Variants in ADAM12 observed in about 807,000 individuals in gnomAD.
ADAM12 encodes disintegrin and metalloproteinase domain-containing protein 12.
Under a neutral mutation model 106.4 loss-of-function variants are expected in ADAM12, and 70 were observed. The observed-to-expected ratio is 0.66, with a 90% CI of 0.54 to 0.80. The LOEUF (loss-of-function observed/expected upper bound fraction) is 0.80, where lower values mean the gene tolerates loss of function less well. Among genes scored for constraint, ADAM12 ranks in the 30% least tolerant of loss-of-function variants. The pLI is 0.00. For missense variants in ADAM12, 1,010 were observed against 1,171.9 expected (o/e 0.86, Z 2.02); for synonymous variants, 420 against 433.5 (o/e 0.97, Z 0.39).
At chr10:126,018,117 C>A (rs1238590148) in intron 22 of ADAM12, among the ~76,000 whole-genome samples, 2 of 152,252 alleles carry the variant, frequency 1.3e-5, no homozygotes, top group African/African-American at 4.8e-5. Context: ...GCAGCTCTTT[C>A]TTTCACGGGC....
intron 4 of ADAM12, among the ~76,000 whole-genome samples, chr10:126,150,811 T>C (rs991842321): frequency 6.6e-6 from 1 of 152,242 alleles, no homozygotes; most frequent in African/African-American, 2.4e-5. Flanking sequence ...GAGAACTTCC[T>C]ATGACTCCCA....
intron 3 of ADAM12, among the ~76,000 whole-genome samples, chr10:126,170,409 A>G (rs1957098189): frequency 6.7e-6 from 1 of 149,990 alleles, no homozygotes; most frequent in Non-Finnish European, 1.5e-5. Flanking sequence ...GGATTTTGAA[A>G]TGGATGTGTT....
intron 3 of ADAM12, among the ~76,000 whole-genome samples, chr10:126,269,316 G>A (rs932675857): frequency 6.6e-6 from 1 of 152,138 alleles, no homozygotes; most frequent in Non-Finnish European, 1.5e-5. Flanking sequence ...AACTGTCTAG[G>A]AAGGCAGCCC....
intron 3 of ADAM12, among the ~76,000 whole-genome samples, chr10:126,251,531 GGATAGATGGA>G: frequency 6.2e-5 from 2 of 32,060 alleles, no homozygotes; most frequent in Non-Finnish European, 3.5e-4. Context: ...TGGACAGGAT[GGATAGATGGA>G]TGGATAGGAT....
intron 3 of ADAM12, among the ~76,000 whole-genome samples, chr10:126,179,105 A>C (rs1049405852): frequency 1.2e-4 from 19 of 152,182 alleles, no homozygotes; most frequent in African/African-American, 4.6e-4. Context: ...GCACTCAAGC[A>C]GTCCCTATCA....
At chr10:126,217,510 G>A (rs570892757) in intron 3 of ADAM12, among the ~76,000 whole-genome samples, 1 of 151,768 alleles carries the variant, frequency 6.6e-6, no homozygotes, top group African/African-American at 2.4e-5. Flanking sequence ...TGGGATTACA[G>A]GAATGCACCA....
chr10:126,217,110 G>A (rs1958001197), intron 3 of ADAM12, among the ~76,000 whole-genome samples: 1 of 152,188 alleles, frequency 6.6e-6, no homozygotes, highest in Non-Finnish European at 1.5e-5. Context: ...CCATGAGAGT[G>A]AGAATATTTT....
chr10:126,206,783 G>A (rs1219983457), intron 3 of ADAM12, among the ~76,000 whole-genome samples: 1 of 142,410 alleles, frequency 7.0e-6, no homozygotes, highest in Non-Finnish European at 1.5e-5. Flanking sequence ...AGGAAGGAAA[G>A]TGATACGGTT....
At chr10:126,082,045 C>T (rs559826911) in intron 11 of ADAM12, among the ~76,000 whole-genome samples, 2 of 152,222 alleles carry the variant, frequency 1.3e-5, no homozygotes, top group African/African-American at 4.8e-5. Flanking sequence ...AGAAGCAAAA[C>T]AGCCTGTTCC....
chr10:126,098,352 A>G lies in ADAM12; in HGVS notation c.996+64T>C, dbSNP rs570442632. ...AGGATCTATCTTCACAAAGTCTGATAAAAGTAGTGACTTCCTGGGGAATCA... is the reference window on the plus strand; with the variant it reads ...AGGATCTATCTTCACAAAGTCTGATGAAAGTAGTGACTTCCTGGGGAATCA... On this transcript the variant is annotated intron_variant, in intron 10 of 22. Transcript: ENST00000448723. 2.5e-5 allele frequency: 34 copies of G among 1,348,794 alleles called. No homozygotes were observed. In the Middle Eastern group the frequency reaches 9.0e-4, roughly 36 times the overall value. The allele number at this position is 1,348,794 out of a possible 1,614,324, so 83.6% of individuals were successfully genotyped here. A position where few individuals can be genotyped will look rare whatever the true frequency, so the allele number is the denominator to read the frequency against.
intron 3 of ADAM12, among the ~76,000 whole-genome samples, chr10:126,195,905 G>A (rs1957589117): frequency 6.6e-6 from 1 of 152,184 alleles, no homozygotes; most frequent in Admixed American, 6.5e-5. Flanking sequence ...CACTATGTCT[G>A]CTTTCAAAGT....
At chr10:126,041,776 C>T (rs1252655947) in intron 18 of ADAM12, 24 of 1,085,086 alleles carry the variant, frequency 2.2e-5, no homozygotes, top group Non-Finnish European at 2.7e-5. Context: ...CCTTGCTTCT[C>T]CCCCACTGCT....
intron 21 of ADAM12, among the ~76,000 whole-genome samples, chr10:126,032,475 G>A (rs1953987904): frequency 6.6e-6 from 1 of 152,154 alleles, no homozygotes; most frequent in Non-Finnish European, 1.5e-5. Context: ...TCATAAAACA[G>A]AATGAAGGAC....
intron 2 of ADAM12, among the ~76,000 whole-genome samples, chr10:126,314,610 T>C (rs1961267099): frequency 6.6e-6 from 1 of 152,200 alleles, no homozygotes; most frequent in African/African-American, 2.4e-5. Context: ...ATTGTCTATA[T>C]AAAATTTTCA....
At chr10:126,291,336 C>T (rs1398926148) in intron 2 of ADAM12, among the ~76,000 whole-genome samples, 1 of 152,152 alleles carries the variant, frequency 6.6e-6, no homozygotes, top group Non-Finnish European at 1.5e-5. Context: ...ATATACTAAG[C>T]CCTTTAAAGA....
chr10:126,049,998 GGCTGGCTGGCTGGC>G lies in ADAM12; in HGVS notation c.1610-343_1610-330del, dbSNP rs1954437273. On this transcript the variant is annotated intron_variant, in intron 14 of 22. Coordinates refer to ENST00000448723, the MANE Select transcript of ADAM12 (RefSeq NM_001288973.2). This position sits in a 1 kb window ranked among gnomAD's most constrained non-coding sequence, Gnocchi z 4.4. ...CAGGGCAGAAAGGAGGTGGCTGGCT[GGCTGGCTGGCTGGC>G]TGGCTGGCTGGCTGGCTGGCTGCAG... is the stretch of plus-strand genomic sequence containing the variant. Among the ~76,000 whole-genome samples, 6 of 31,558 alleles carry G rather than the reference GGCTGGCTGGCTGGC, an allele frequency of 1.9e-4. No individual in the cohort carries two copies. Among genetic ancestry groups the G allele is most frequent in the African/African-American group, 1.7e-3 (6 of 3,526 alleles). The allele number at this position is 31,558 out of a possible 152,430, so 20.7% of individuals were successfully genotyped here.
intron 5 of ADAM12, among the ~76,000 whole-genome samples, chr10:126,130,199 T>C (rs201344578): frequency 2.0e-5 from 3 of 147,210 alleles, no homozygotes; most frequent in South Asian, 2.2e-4. Context: ...TTTTTTTTTT[T>C]CCTTTTACTT....
At chr10:126,193,310 T>C (rs1008937478) in intron 3 of ADAM12, among the ~76,000 whole-genome samples, 17 of 86,492 alleles carry the variant, frequency 2.0e-4, no homozygotes, top group Non-Finnish European at 3.5e-4. Flanking sequence ...CCATATGCAA[T>C]AGACAAGACT....
rs550318567 is a variant in ADAM12 at position 126,208,957 on chromosome 10, T to C, written c.261-53652A>G. Reference sequence around the variant, plus strand: ...TCAGTTACGTGCCAACTTCTTATCGTAAGAATGTTCTCTGAGAATTGTCAA... The same window carrying C: ...TCAGTTACGTGCCAACTTCTTATCGCAAGAATGTTCTCTGAGAATTGTCAA... On this transcript the variant is annotated intron_variant, in intron 3 of 22. Transcript: ENST00000448723. Among the ~76,000 whole-genome samples the C allele has an allele frequency of 2.6e-5, 4 of 152,272 alleles. No homozygotes were observed. In the South Asian group the frequency reaches 8.3e-4, roughly 32 times the overall value.
Sources: gnomAD v4.1 joint callset for allele counts (sites outside exome capture counted in the v4.1 genomes callset) on GRCh38, gnomAD v4.1.1 for gene constraint, Gnocchi (gnomAD v3.1) non-coding constraint, MANE v1.5 for transcripts, NCBI Gene and HGNC (gene_info 2026-07-23, HGNC 2026-07-21) for gene names.